The following ARHGEF11 variants were observed in gnomAD, a reference collection of about 807,000 sequenced individuals.
The protein encoded by ARHGEF11 is Rho guanine exchange factor (GEF) 11.
Under a neutral mutation model 193.7 loss-of-function variants are expected in ARHGEF11, and 55 were observed. The observed-to-expected ratio is 0.28, with a 90% confidence interval of 0.23 to 0.36. The LOEUF is 0.36. Among genes scored for constraint, ARHGEF11 ranks in the 10% least tolerant of loss-of-function variants. The pLI, the probability that ARHGEF11 is intolerant of heterozygous loss-of-function variation, is 1.00. For missense variants in ARHGEF11, 1,723 were observed against 2,005.6 expected (o/e 0.86, Z 2.69); for synonymous variants, 693 against 768.0 (o/e 0.90, Z 1.62).
chr1:156,996,307 T>G (rs764736130), intron 1 of ARHGEF11, among the ~76,000 whole-genome samples: 3 of 151,932 alleles, frequency 2.0e-5, no homozygotes, highest in Non-Finnish European at 4.4e-5. Flanking sequence ...ACAAACTAGA[T>G]TTGGGGAGGG....
intron 13 of ARHGEF11, 135 bp from the exon 14 acceptor site, chr1:156,961,910 C>A: frequency 1.4e-6 from 1 of 695,004 alleles, no homozygotes; most frequent in Non-Finnish European, 2.6e-6. Flanking sequence ...CTACTGGCAT[C>A]TAGTGGGTAC....
intron 1 of ARHGEF11, among the ~76,000 whole-genome samples, chr1:157,024,101 T>A (rs1670341630): frequency 6.6e-6 from 1 of 152,078 alleles, no homozygotes; most frequent in Non-Finnish European, 1.5e-5. Flanking sequence ...TTAATTGGCA[T>A]AAAAAAATGA....
At chr1:157,043,583 G>A (rs1673015490) in intron 1 of ARHGEF11, among the ~76,000 whole-genome samples, 1 of 152,202 alleles carries the variant, frequency 6.6e-6, no homozygotes, top group African/African-American at 2.4e-5. Flanking sequence ...TCTGGCTCCA[G>A]GCAGAGGGAA....
chr1:156,995,218 G>C (rs772491525), intron 1 of ARHGEF11, among the ~76,000 whole-genome samples: 8 of 152,216 alleles, frequency 5.3e-5, no homozygotes, highest in Non-Finnish European at 7.3e-5. Flanking sequence ...TTTAAAGAGA[G>C]AAATTAGAGG....
At chr1:156,959,386 TC>T (rs1205744792) in intron 15 of ARHGEF11, among the ~76,000 whole-genome samples, 4 of 152,194 alleles carry the variant, frequency 2.6e-5, no homozygotes, top group Non-Finnish European at 5.9e-5. Flanking sequence ...TGTTCTGTGC[TC>T]CATTAAGAGA....
chr1:157,018,987 A>C (rs1235753106), intron 1 of ARHGEF11, among the ~76,000 whole-genome samples: 3 of 152,248 alleles, frequency 2.0e-5, no homozygotes, highest in Non-Finnish European at 2.9e-5. Flanking sequence ...GTAACGAAGA[A>C]TAAATCACAG....
intron 29 of ARHGEF11, 124 bp from the exon 30 acceptor site, chr1:156,945,321 G>T: frequency 9.2e-7 from 1 of 1,087,170 alleles, no homozygotes; most frequent in East Asian, 2.4e-5. Context: ...CGTGGGTGGA[G>T]GGGAGCCACC....
intron 22 of ARHGEF11, among the ~76,000 whole-genome samples, chr1:156,950,355 G>A (rs1170895873): frequency 6.6e-5 from 10 of 152,216 alleles, no homozygotes; most frequent in Non-Finnish European, 1.3e-4. Context: ...AGGCAAAATA[G>A]GCCAGGTGCA....
At chr1:156,956,699 T>C in intron 18 of ARHGEF11, 135 bp from the exon 19 acceptor site, 1 of 1,339,684 alleles carries the variant, frequency 7.5e-7, no homozygotes, top group Non-Finnish European at 1.0e-6. Flanking sequence ...AAGTCTAGAA[T>C]AATTAAATGG....
At position 156,978,321 on chromosome 1, in the gene ARHGEF11, C is replaced by G; in HGVS notation, c.393G>C (p.Gly131=). The change falls in exon 6 of 41, where the codon GGG becomes GGC. Residue 131 remains glycine (G), a synonymous_variant. Transcript: ENST00000368194. ...GSSPSSMGIS[G]LQQDPSPAGA... Reference sequence around the variant, plus strand: ...CTGCTGGGGATGGGTCCTGCTGGAGCCCAGAGATGCCCATGGATGAAGGTG... The same window carrying G: ...CTGCTGGGGATGGGTCCTGCTGGAGGCCAGAGATGCCCATGGATGAAGGTG... 12 of 1,613,792 alleles carry G rather than the reference C, an allele frequency of 7.4e-6. No homozygotes were observed. Among genetic ancestry groups the G allele is most frequent in the Non-Finnish European group, 1.0e-5 (12 of 1,179,878 alleles).
chr1:156,941,734 AGCTGTCT>A (rs1356761372), intron 34 of ARHGEF11, 123 bp downstream of exon 34: 22 of 1,358,266 alleles, frequency 1.6e-5, no homozygotes, highest in Non-Finnish European at 1.5e-5. Flanking sequence ...CAGCACTTGG[AGCTGTCT>A]GCTCCCTGCT....
At chr1:156,955,823 G>A (rs1200666241) in intron 19 of ARHGEF11, 24 bp from the exon 20 acceptor site, 6 of 1,581,974 alleles carry the variant, frequency 3.8e-6, no homozygotes, top group Non-Finnish European at 5.2e-6. Flanking sequence ...AGACACTGGT[G>A]TTTGCAGGAG....
rs76762877 is a variant in ARHGEF11 at position 156,941,051 on chromosome 1, A to G, written c.3514+321T>C. Reference sequence around the variant, plus strand: ...GTTGCAGCATGTATCTCCCTCCCCAACAGTAACCCCTGGCTGGAGGATGCA... The same window carrying G: ...GTTGCAGCATGTATCTCCCTCCCCAGCAGTAACCCCTGGCTGGAGGATGCA... On this transcript the variant is annotated intron_variant, in intron 35 of 40. Transcript: ENST00000368194. Among the ~76,000 whole-genome samples the G allele has an allele frequency of 6.1e-3, 926 of 152,068 alleles. 4 individuals carry two copies. The highest frequency in any genetic ancestry group is 0.016 in the African/African-American group (655 of 41,476).
chr1:157,022,816 G>A (rs999107888), intron 1 of ARHGEF11, among the ~76,000 whole-genome samples: 3 of 152,148 alleles, frequency 2.0e-5, no homozygotes, highest in Non-Finnish European at 4.4e-5. Flanking sequence ...AGAGATCAAT[G>A]GAATGGAACT....
chr1:156,991,357 T>C (rs1665667270), intron 1 of ARHGEF11, among the ~76,000 whole-genome samples: 2 of 152,356 alleles, frequency 1.3e-5, no homozygotes, highest in South Asian at 4.1e-4. Flanking sequence ...TTTCACTCCG[T>C]CGCCCAGACT....
intron 1 of ARHGEF11, among the ~76,000 whole-genome samples, chr1:157,011,143 A>T (rs1668491489): frequency 1.3e-5 from 2 of 152,234 alleles, no homozygotes; most frequent in African/African-American, 4.8e-5. Flanking sequence ...ATAAGGATAG[A>T]CATAGATCAA....
At position 156,935,391 on chromosome 1, in the gene ARHGEF11, G is replaced by A. The variant is rs1654870437; in HGVS notation, c.*609C>T. 6.6e-6 allele frequency: 1 copy of A among 152,206 alleles called. No individual in the cohort carries two copies. Among genetic ancestry groups the A allele is most frequent in the Non-Finnish European group, 1.5e-5 (1 of 68,056 alleles). 9.4% of individuals were successfully genotyped at this position (152,206 alleles called of 1,614,324 possible). On this transcript the variant is annotated 3_prime_UTR_variant, in exon 41 of 41. Coordinates refer to ENST00000368194, the MANE Select transcript of ARHGEF11 (RefSeq NM_198236.3). ...GGCTCCCGCTTTAGGCTCGATCCTG[G>A]AACTGGGTTGTTAACTAAGGAGATA...
intron 1 of ARHGEF11, among the ~76,000 whole-genome samples, chr1:157,043,405 A>G (rs1368546897): frequency 3.3e-5 from 5 of 152,168 alleles, no homozygotes; most frequent in Non-Finnish European, 5.9e-5. Flanking sequence ...AAAGGCAGAC[A>G]CCTTACAAAG....
chr1:156,946,015 C>CT lies in ARHGEF11; in HGVS notation c.2812+29dup, dbSNP rs759925107. The CT allele has an allele frequency of 5.1e-6, 8 of 1,576,904 alleles. No individual in the cohort carries two copies. The South Asian group carries it at 7.8e-5, about 15-fold the overall frequency. On this transcript the variant is annotated intron_variant, in intron 29 of 40. Coordinates refer to ENST00000368194, the MANE Select transcript of ARHGEF11 (RefSeq NM_198236.3). ...GAGGGTCTGGCACGAGGCCCACTGC[C>CT]TGTGATGCCAGCCCCTCCCCAGGTG... is the stretch of plus-strand genomic sequence containing the variant.
Sources: allele counts gnomAD v4.1 joint callset (sites outside exome capture counted in the v4.1 genomes callset), GRCh38; gene constraint gnomAD v4.1.1; transcripts MANE v1.5; gene names NCBI Gene and HGNC (gene_info 2026-07-23, HGNC 2026-07-21).